Variants in BEND7 observed in about 807,000 individuals in gnomAD.
BEND7 encodes BEN domain containing 7.
In BEND7, 28 loss-of-function variants were observed where a neutral mutation model predicts 50.9. The observed-to-expected ratio is 0.55, with a 90% CI of 0.41 to 0.75. The LOEUF (loss-of-function observed/expected upper bound fraction) is 0.75, where lower values mean the gene tolerates loss of function less well. Ranked by LOEUF, BEND7 falls within the 30% of genes least tolerant of loss-of-function variation. The pLI is 0.00. For missense variants in BEND7, 477 were observed against 491.3 expected (o/e 0.97, Z 0.28); for synonymous variants, 170 against 183.9 (o/e 0.92, Z 0.61).
intron 6 of BEND7, chr10:13,480,562 A>G: frequency 1.1e-6 from 1 of 872,694 alleles, no homozygotes; most frequent in Non-Finnish European, 1.4e-6. Context: ...TCATAACTCA[A>G]ACTTTAAGTT....
intron 8 of BEND7, chr10:13,445,818 A>C (rs1836195809): frequency 6.6e-6 from 1 of 152,230 alleles, no homozygotes; most frequent in South Asian, 2.1e-4. Context: ...ACTGTGTCAC[A>C]TGACACAGGA....
chr10:13,442,570 G>A (rs1171498912), intron 8 of BEND7: 1 of 152,178 alleles, frequency 6.6e-6, no homozygotes, highest in African/African-American at 2.4e-5. Context: ...TGGAGGGCAA[G>A]TATACTAGGA....
intron 2 of BEND7, among the ~76,000 whole-genome samples, chr10:13,518,869 A>G (rs1367301082): frequency 1.3e-5 from 2 of 152,198 alleles, no homozygotes; most frequent in Non-Finnish European, 2.9e-5. Flanking sequence ...TTTAAATCAC[A>G]TATCTGAGGA....
chr10:13,485,086 C>T (rs1022686337), intron 5 of BEND7, among the ~76,000 whole-genome samples: 15 of 152,102 alleles, frequency 9.9e-5, no homozygotes, highest in African/African-American at 1.4e-4. Flanking sequence ...AATGAAGATG[C>T]GCCTTCCCCA....
At chr10:13,443,372 CGT>C (rs1835630440) in intron 8 of BEND7, 1 of 152,670 alleles carries the variant, frequency 6.6e-6, no homozygotes, top group Non-Finnish European at 1.5e-5. Flanking sequence ...CTGTGTCCTC[CGT>C]GTTTTCTCTC....
At chr10:13,502,063 GTA>G (rs35889301) in intron 2 of BEND7, among the ~76,000 whole-genome samples, 1 of 150,842 alleles carries the variant, frequency 6.6e-6, no homozygotes, top group Non-Finnish European at 1.5e-5. Context: ...ATAAGGATAT[GTA>G]TATATATATA....
At chr10:13,446,874 T>G in intron 8 of BEND7, 1 of 263,514 alleles carries the variant, frequency 3.8e-6, no homozygotes, top group Non-Finnish European at 7.2e-6. Flanking sequence ...TCCAAGGCCG[T>G]TTGGAGGAGG....
chr10:13,493,269 T>G (rs981587322), intron 4 of BEND7, among the ~76,000 whole-genome samples: 34 of 152,200 alleles, frequency 2.2e-4, no homozygotes, highest in African/African-American at 8.2e-4. Flanking sequence ...TGTAATCCTG[T>G]TTCAGGATTA....
intron 5 of BEND7, among the ~76,000 whole-genome samples, chr10:13,486,043 T>C (rs1388805439): frequency 1.3e-5 from 2 of 152,118 alleles, no homozygotes; most frequent in Non-Finnish European, 2.9e-5. Context: ...CCAGTTAATT[T>C]AAATAAAAAT....
Position 13,499,963 on chromosome 10 carries a change from G to A in BEND7, c.263C>T (p.Pro88Leu). Residue 88 changes from proline (P) to leucine (L), a missense_variant, in exon 3 of 9, where the codon CCC becomes CTC. Physicochemically the swap from Pro to Leu is moderately conservative, Grantham distance 98 (BLOSUM62 -3). This residue lies in a region of BEND7 where 396 missense variants were observed against 384.2 expected (regional missense o/e 1.03). Transcript: ENST00000466271. Reference sequence around the variant, plus strand: ...AGGCCAGACTAAATCCAGGTCCTGGGGCTCTTCTTTTAGTTTCTCTCCTTC... The same window carrying A: ...AGGCCAGACTAAATCCAGGTCCTGGAGCTCTTCTTTTAGTTTCTCTCCTTC... ...GKEGEKLKEE[P>L]QDLDLVWPPR... is the part of the protein sequence containing the mutation. The A allele has an allele frequency of 1.2e-6, 2 of 1,614,146 alleles. No homozygotes were observed. The highest frequency in any genetic ancestry group is 2.2e-5 in the South Asian group (2 of 91,082).
chr10:13,484,894 A>G (rs1264460295), intron 5 of BEND7, among the ~76,000 whole-genome samples: 1 of 152,106 alleles, frequency 6.6e-6, no homozygotes, highest in African/African-American at 2.4e-5. Flanking sequence ...TTCATCTCAC[A>G]CTGGGTGAAG....
intron 2 of BEND7, among the ~76,000 whole-genome samples, chr10:13,512,777 AT>A (rs2078368314): frequency 6.6e-6 from 1 of 152,254 alleles, no homozygotes; most frequent in Non-Finnish European, 1.5e-5. Context: ...TTCATTTTCA[AT>A]GTACATATTA....
chr10:13,498,445 T>A (rs979796434), intron 3 of BEND7, among the ~76,000 whole-genome samples: 2 of 152,196 alleles, frequency 1.3e-5, no homozygotes, highest in African/African-American at 4.8e-5. Context: ...TTGTAACTTT[T>A]ACTAACTTCA....
intron 8 of BEND7, 187 bp downstream of exon 8, chr10:13,447,079 T>C (rs1836503307): frequency 1.6e-6 from 1 of 636,782 alleles, no homozygotes; most frequent in South Asian, 1.9e-5. Flanking sequence ...AAAACGTTTT[T>C]CTATTCAGTA....
At chr10:13,516,689 C>T (rs1268837268) in intron 2 of BEND7, among the ~76,000 whole-genome samples, 1 of 152,120 alleles carries the variant, frequency 6.6e-6, no homozygotes, top group African/African-American at 2.4e-5. Context: ...CGCGCCGCTG[C>T]ACTCCAGCTT....
At chr10:13,482,322 G>A (rs951768419) in intron 5 of BEND7, among the ~76,000 whole-genome samples, 30 of 152,166 alleles carry the variant, frequency 2.0e-4, no homozygotes, top group African/African-American at 7.0e-4. Context: ...AATGCAATTG[G>A]TAAACTGTTG....
In BEND7 at chr10:13,441,756, G is replaced by T. The variant is rs76977834; in HGVS notation, c.1235-6C>A. The stretch of plus-strand genomic sequence containing the variant: ...TGCAGTCCTTCATCAGACCACTTGA[G>T]AAAACAAAGGGACTGTTGTCAGGAA... On this transcript the variant is annotated splice_polypyrimidine_tract_variant and splice_region_variant and intron_variant, in intron 8 of 8. Transcript: ENST00000466271. The T allele has an allele frequency of 2.0e-3, 3,162 of 1,613,758 alleles. 72 individuals are homozygous for T. The South Asian group carries it at 0.028, about 14-fold the overall frequency.
intron 6 of BEND7, among the ~76,000 whole-genome samples, chr10:13,470,637 A>T (rs2074719046): frequency 6.6e-6 from 1 of 152,166 alleles, no homozygotes; most frequent in Admixed American, 6.5e-5. Flanking sequence ...AGTTTTGAGG[A>T]GATGAGATCC....
intron 8 of BEND7, 178 bp from the exon 9 acceptor site, chr10:13,441,928 T>C (rs1415306283): frequency 2.2e-5 from 14 of 645,292 alleles, no homozygotes; most frequent in Non-Finnish European, 3.5e-5. Flanking sequence ...GTTAGATTGA[T>C]TCTACAAGCC....
Sources: allele counts gnomAD v4.1 joint callset (sites outside exome capture counted in the v4.1 genomes callset), GRCh38; gene constraint gnomAD v4.1.1; regional missense constraint gnomAD v4.1.1; transcripts MANE v1.5; gene names NCBI Gene and HGNC (gene_info 2026-07-23, HGNC 2026-07-21).